GRM7: variants seen among roughly 807,000 people sequenced by gnomAD.
GRM7 encodes metabotropic glutamate receptor 7.
GRM7 carries 35 observed loss-of-function variants against 84.5 expected under a neutral mutation model. That is an observed-to-expected ratio of 0.41 (90% CI 0.32 to 0.55). GRM7 has a LOEUF of 0.55. Among genes scored for constraint, GRM7 ranks in the 20% least tolerant of loss-of-function variants. GRM7 has a pLI of 0.19. For missense variants in GRM7, 1,003 were observed against 1,194.6 expected (o/e 0.84, Z 2.36); for synonymous variants, 487 against 455.1 (o/e 1.07, Z -0.89).
At chr3:7,303,185 C>G (rs1700069595) in intron 3 of GRM7, among the ~76,000 whole-genome samples, 1 of 152,110 alleles carries the variant, frequency 6.6e-6, no homozygotes, top group Non-Finnish European at 1.5e-5. Context: ...TGTGATCCAC[C>G]TGCCTTGGCC....
chr3:6,984,699 C>G lies in GRM7; in HGVS notation c.519+122792C>G, dbSNP rs1694339644. 2.0e-5 allele frequency among the ~76,000 whole-genome samples: 3 copies of G among 151,652 alleles called. No individual in the cohort carries two copies. The South Asian group carries it at 6.2e-4, about 32-fold the overall frequency. On this transcript the variant is annotated intron_variant, in intron 1 of 9. Coordinates refer to ENST00000357716, the MANE Select transcript of GRM7 (RefSeq NM_000844.4). ...ACTCACCCTGAATGTTTTTTTTTAG[C>G]CTTTATGGAGGGGAATTGGCTGACC... is the stretch of plus-strand genomic sequence containing the variant.
At chr3:7,411,076 T>C (rs550399244) in intron 4 of GRM7, among the ~76,000 whole-genome samples, 83 of 152,264 alleles carry the variant, frequency 5.5e-4, no homozygotes, top group African/African-American at 1.9e-3. Context: ...TCTTCACATC[T>C]CCTTCTCGCC....
intron 1 of GRM7, among the ~76,000 whole-genome samples, chr3:6,960,426 TC>T (rs1296540115): frequency 1.3e-5 from 2 of 152,010 alleles, no homozygotes; most frequent in African/African-American, 4.8e-5. Flanking sequence ...TCTCCACACT[TC>T]CTATGCTTCT....
At chr3:7,613,340 C>G (rs1387593078) in intron 8 of GRM7, among the ~76,000 whole-genome samples, 1 of 152,184 alleles carries the variant, frequency 6.6e-6, no homozygotes, top group Non-Finnish European at 1.5e-5. Context: ...CCAGCCCTAA[C>G]GTACATATGT....
At chr3:7,144,650 C>G (rs1450420418) in intron 1 of GRM7, among the ~76,000 whole-genome samples, 1 of 152,190 alleles carries the variant, frequency 6.6e-6, no homozygotes, top group Non-Finnish European at 1.5e-5. Context: ...AATGCACATT[C>G]ATTTTCCCTG....
At chr3:7,103,778 C>A (rs953890715) in intron 1 of GRM7, among the ~76,000 whole-genome samples, 2 of 105,514 alleles carry the variant, frequency 1.9e-5, no homozygotes, top group Non-Finnish European at 3.6e-5. Context: ...TTCTTTCTTT[C>A]TTTCTTTCTT....
chr3:6,932,850 G>A (rs1270840437), intron 1 of GRM7, among the ~76,000 whole-genome samples: 2 of 148,448 alleles, frequency 1.3e-5, no homozygotes. Flanking sequence ...CGACTCCTGG[G>A]TTCATTTGAT....
chr3:7,289,138 G>A (rs1699531558), intron 2 of GRM7, among the ~76,000 whole-genome samples: 1 of 152,142 alleles, frequency 6.6e-6, no homozygotes, highest in African/African-American at 2.4e-5. Flanking sequence ...TTGGAGACCA[G>A]TGACAATTGA....
chr3:7,627,525 G>T (rs1697668678), intron 8 of GRM7, among the ~76,000 whole-genome samples: 1 of 152,188 alleles, frequency 6.6e-6, no homozygotes, highest in Admixed American at 6.5e-5. Context: ...CATTCGCATG[G>T]TATTAAAACC....
At chr3:7,703,636 T>A (rs555515470) in intron 9 of GRM7, among the ~76,000 whole-genome samples, 1 of 152,324 alleles carries the variant, frequency 6.6e-6, no homozygotes, top group African/African-American at 2.4e-5. Context: ...ATAGGGAAAC[T>A]ACTACCATCT....
rs1260975143 is a variant in GRM7 at position 7,064,461 on chromosome 3, T to TATATATATATATACACACAC, written c.520-81990_520-81989insTATATATATATACACACACA. 2.4e-4 allele frequency among the ~76,000 whole-genome samples: 19 copies of TATATATATATATACACACAC among 78,724 alleles called. No homozygotes were observed. In the East Asian group the frequency reaches 5.3e-3, roughly 22 times the overall value. The allele number at this position is 78,724 out of a possible 152,430, so 51.6% of individuals were successfully genotyped here. ...GTATTCCCTCATGTATGGATATATA[T>TATATATATATATACACACAC]ACATATATATATATATATACACACA... On this transcript the variant is annotated intron_variant, in intron 1 of 9. Transcript: ENST00000357716.
chr3:7,265,421 C>T (rs902020223), intron 2 of GRM7, among the ~76,000 whole-genome samples: 8 of 152,034 alleles, frequency 5.3e-5, no homozygotes, highest in Admixed American at 5.2e-4. Flanking sequence ...CACATCTTGC[C>T]CCTGAGTGGC....
intron 7 of GRM7, among the ~76,000 whole-genome samples, chr3:7,493,643 T>A (rs1027645831): frequency 6.6e-6 from 1 of 151,998 alleles, no homozygotes; most frequent in African/African-American, 2.4e-5. Flanking sequence ...AAGCTCTGTT[T>A]TTTGATTGGC....
At chr3:7,667,742 G>A (rs977863165) in intron 8 of GRM7, among the ~76,000 whole-genome samples, 1 of 151,374 alleles carries the variant, frequency 6.6e-6, no homozygotes, top group Non-Finnish European at 1.5e-5. Context: ...ACTATCTAAA[G>A]AAGGGTAGGT....
chr3:7,177,277 G>C (rs185565782), intron 2 of GRM7, among the ~76,000 whole-genome samples: 208 of 152,158 alleles, frequency 1.4e-3, no homozygotes, highest in Non-Finnish European at 2.0e-3. Context: ...ATGCAATCAA[G>C]GCACATCTTC....
chr3:7,625,377 C>G (rs190755155), intron 8 of GRM7, among the ~76,000 whole-genome samples: 1 of 152,180 alleles, frequency 6.6e-6, no homozygotes, highest in East Asian at 1.9e-4. Context: ...AAAAAGCAAG[C>G]AACTCGTACA....
At chr3:7,714,463 G>A (rs1701705519) in intron 9 of GRM7, among the ~76,000 whole-genome samples, 1 of 152,132 alleles carries the variant, frequency 6.6e-6, no homozygotes, top group Non-Finnish European at 1.5e-5. Context: ...CTATTACCTT[G>A]CTACATTGAA....
chr3:6,862,905 A>G lies in GRM7; in HGVS notation c.519+998A>G. 1 of 424,774 alleles carries G rather than the reference A, an allele frequency of 2.4e-6. No homozygotes were observed. Among genetic ancestry groups the G allele is most frequent in the Admixed American group, 2.7e-5 (1 of 36,716 alleles). The allele number at this position is 424,774 out of a possible 1,614,324, so 26.3% of individuals were successfully genotyped here. On this transcript the variant is annotated intron_variant, in intron 1 of 9. Transcript: ENST00000357716. This position sits in a 1 kb window ranked among gnomAD's most constrained non-coding sequence, Gnocchi z 5.2. Reference sequence around the variant, plus strand: ...GGGAGACGGAGAAAAAATGGGAGGAAGGCGGATCCGGGGCCGCTGAGCGGT... The same window carrying G: ...GGGAGACGGAGAAAAAATGGGAGGAGGGCGGATCCGGGGCCGCTGAGCGGT...
chr3:7,715,420 C>T (rs547679652), intron 9 of GRM7, among the ~76,000 whole-genome samples: 5 of 152,198 alleles, frequency 3.3e-5, no homozygotes, highest in South Asian at 4.2e-4. Context: ...CTTTAGTGAG[C>T]GACCATCATG....
Sources: gnomAD v4.1 joint callset for allele counts (sites outside exome capture counted in the v4.1 genomes callset) on GRCh38, gnomAD v4.1.1 for gene constraint, Gnocchi (gnomAD v3.1) non-coding constraint, MANE v1.5 for transcripts, NCBI Gene and HGNC (gene_info 2026-07-23, HGNC 2026-07-21) for gene names.